The following TBC1D1 variants were observed in gnomAD, a reference collection of about 807,000 sequenced individuals.
TBC1D1 encodes TBC1 domain family member 1.
TBC1D1 carries 89 observed loss-of-function variants against 125.6 expected under a neutral mutation model. That is an observed-to-expected ratio of 0.71 (90% CI 0.60 to 0.85). The LOEUF (loss-of-function observed/expected upper bound fraction) is 0.85, where lower values mean the gene tolerates loss of function less well. Ranked by LOEUF, TBC1D1 falls within the 40% of genes least tolerant of loss-of-function variation. TBC1D1 has a pLI of 0.00. For missense variants in TBC1D1, 1,377 were observed against 1,469.2 expected, an observed-to-expected ratio of 0.94 and a Z score of 1.03; for synonymous variants, 565 against 564.1, an observed-to-expected ratio of 1.00 and a Z score of -0.02.
chr4:38,045,972 A>G (rs1208357970), intron 10 of TBC1D1, 69 bp downstream of exon 10: 4 of 1,331,536 alleles, frequency 3.0e-6, no homozygotes, highest in East Asian at 2.3e-5. Flanking sequence ...TCTCCTGTCT[A>G]CATACCTCCA....
rs189406430 is a variant in TBC1D1, at chr4:38,024,573, A to G, written c.1210+2855A>G. Among the ~76,000 whole-genome samples the G allele has an allele frequency of 5.3e-5, 8 of 152,362 alleles. No individual in the cohort carries two copies. The East Asian group carries it at 1.3e-3, about 26-fold the overall frequency. Reference sequence around the variant, plus strand: ...ACTCTACTAACATGAGAACATTCTTAAATAGTGCAATTAGAAGTCTGGTGG... The same window carrying G: ...ACTCTACTAACATGAGAACATTCTTGAATAGTGCAATTAGAAGTCTGGTGG... On this transcript the variant is annotated intron_variant, in intron 6 of 19. Coordinates refer to ENST00000261439, the MANE Select transcript of TBC1D1 (RefSeq NM_015173.4).
rs549994477 is a variant in TBC1D1 at position 37,925,639 on chromosome 4, C to T, written c.417+23127C>T. Among the ~76,000 whole-genome samples the T allele has an allele frequency of 1.9e-4, 28 of 147,052 alleles. No homozygotes were observed. The East Asian group carries it at 5.0e-3, about 26-fold the overall frequency. On this transcript the variant is annotated intron_variant, in intron 2 of 19. Transcript: ENST00000261439. ...CGGAGGTTGCAGTGAGCTAAGATCG[C>T]GCCACTGCATTCCAGCCTGGTGATA...
intron 12 of TBC1D1, among the ~76,000 whole-genome samples, chr4:38,080,733 C>G (rs995744300): frequency 2.0e-5 from 3 of 152,088 alleles, no homozygotes; most frequent in African/African-American, 7.2e-5. Context: ...GCACAGCCGC[C>G]CTCTGCACTC....
intron 2 of TBC1D1, among the ~76,000 whole-genome samples, chr4:37,955,097 C>T (rs1262419737): frequency 6.6e-6 from 1 of 152,110 alleles, no homozygotes; most frequent in Non-Finnish European, 1.5e-5. Context: ...AGAACTATCT[C>T]ATCTTTCTTT....
chr4:37,907,949 G>A (rs77762143), intron 2 of TBC1D1, among the ~76,000 whole-genome samples: 4,134 of 152,116 alleles, frequency 0.027, 81 homozygotes, highest in South Asian at 0.058. Context: ...CTTTATCCAC[G>A]GAGGAAAAAG....
Position 38,021,728 on chromosome 4 carries a change from G to T in TBC1D1, c.1210+10G>T. The T allele has an allele frequency of 6.5e-7, 1 of 1,537,650 alleles. No homozygotes were observed. Among genetic ancestry groups the T allele is most frequent in the Non-Finnish European group, 8.7e-7 (1 of 1,143,698 alleles). On this transcript the variant is annotated intron_variant, in intron 6 of 19. Coordinates refer to ENST00000261439, the MANE Select transcript of TBC1D1 (RefSeq NM_015173.4). ...TGTGAGAGGATAGAGGGTGAGTAGG[G>T]GACCCTTTCCAGCATGAACACAGTG...
chr4:38,043,132 C>T lies in TBC1D1; in HGVS notation c.1414-1230C>T, dbSNP rs192486513. 1.6e-4 allele frequency among the ~76,000 whole-genome samples: 24 copies of T among 152,068 alleles called. 1 individual carries two copies. The highest frequency in any genetic ancestry group is 1.5e-3 in the Admixed American group (23 of 15,270). ...GGCCAGGCTGATCTCAAACTCCCGACCTCAGGTGGTCCACCCACCTTGGCC... is the reference window on the plus strand; with the variant it reads ...GGCCAGGCTGATCTCAAACTCCCGATCTCAGGTGGTCCACCCACCTTGGCC... On this transcript the variant is annotated intron_variant, in intron 8 of 19. Coordinates refer to ENST00000261439, the MANE Select transcript of TBC1D1 (RefSeq NM_015173.4).
chr4:37,975,682 T>C (rs1472341671), intron 2 of TBC1D1, among the ~76,000 whole-genome samples: 1 of 152,214 alleles, frequency 6.6e-6, no homozygotes, highest in Non-Finnish European at 1.5e-5. Flanking sequence ...AGGCTCGCAC[T>C]CTTGTCTTCT....
At chr4:38,087,590 C>CT (rs1010003374) in intron 12 of TBC1D1, among the ~76,000 whole-genome samples, 1 of 152,040 alleles carries the variant, frequency 6.6e-6, no homozygotes, top group Non-Finnish European at 1.5e-5. Context: ...ACCTGTAATT[C>CT]TAGCACTTTG....
At chr4:38,087,846 AAAAAAAAAAAAAAAAAG>A (rs1373756481) in intron 12 of TBC1D1, among the ~76,000 whole-genome samples, 31 of 98,474 alleles carry the variant, frequency 3.1e-4, no homozygotes, top group African/African-American at 1.4e-3. Context: ...ATTCCGTCTC[AAAAAAAAAAAAAAAAAG>A]AAAAAAAAAA....
chr4:37,977,375 C>T lies in TBC1D1; in HGVS notation c.418-37134C>T. On this transcript the variant is annotated intron_variant, in intron 2 of 19. Transcript: ENST00000261439. The surrounding 1 kb of genome is among the most constrained non-coding windows in gnomAD (Gnocchi z 4.3). ...TGGAGCCCGCCGCCGCCGCCGCCGC[C>T]GCCGGGGAGAGCGATGCCCCGGCCC... The T allele has an allele frequency of 5.1e-6, 2 of 394,718 alleles. No homozygotes were observed. The highest frequency in any genetic ancestry group is 2.2e-5 in the African/African-American group (1 of 45,536). 24.5% of individuals were successfully genotyped at this position (394,718 alleles called of 1,614,324 possible). A position where few individuals can be genotyped will look rare whatever the true frequency, so the allele number is the denominator to read the frequency against.
chr4:37,906,253 T>G (rs190472927), intron 2 of TBC1D1, among the ~76,000 whole-genome samples: 73 of 152,240 alleles, frequency 4.8e-4, no homozygotes, highest in Admixed American at 1.6e-3. Context: ...GCTCAAGCGA[T>G]TCTCCTGCCT....
intron 2 of TBC1D1, among the ~76,000 whole-genome samples, chr4:38,010,755 C>T (rs1450606186): frequency 6.6e-6 from 1 of 152,166 alleles, no homozygotes; most frequent in African/African-American, 2.4e-5. Context: ...TTTCTCTCAG[C>T]CTTCCTCTCA....
rs746427990 is a variant in TBC1D1, at chr4:38,118,052, C to T, written c.2822C>T (p.Ser941Leu). 2.5e-6 allele frequency: 4 copies of T among 1,614,168 alleles called. No homozygotes were observed. Among genetic ancestry groups the T allele is most frequent in the East Asian group, 2.2e-5 (1 of 44,886 alleles). The change falls in exon 17 of 20, where the codon TCG becomes TTG. Residue 941 changes from serine to leucine, a missense_variant. By Grantham distance (145) the Ser-to-Leu change is moderately radical. Transcript: ENST00000261439. ...CTGCAGATCCAGATGTACCAGCTCT[C>T]GAGGTTGCTTCATGATTACCACAGA...
chr4:38,132,470 A>G (rs896190626), intron 18 of TBC1D1, among the ~76,000 whole-genome samples: 1 of 152,178 alleles, frequency 6.6e-6, no homozygotes, highest in African/African-American at 2.4e-5. Context: ...TTTCGTCACC[A>G]TTACTATTGT....
At position 37,977,582 on chromosome 4, in the gene TBC1D1, G is replaced by A; in HGVS notation, c.418-36927G>A. The A allele has an allele frequency of 1.7e-6, 1 of 585,668 alleles. No individual in the cohort carries two copies. The allele number at this position is 585,668 out of a possible 1,614,324, so 36.3% of individuals were successfully genotyped here. On this transcript the variant is annotated intron_variant, in intron 2 of 19. Coordinates refer to ENST00000261439, the MANE Select transcript of TBC1D1 (RefSeq NM_015173.4). This position sits in a 1 kb window ranked among gnomAD's most constrained non-coding sequence, Gnocchi z 4.3. ...ACCGGAGCGGAGCGGCAGGCGCGGG[G>A]CTGGAACATTTGTAACCTTCGGGCC...
At chr4:37,895,289 C>T (rs2152207317) in intron 1 of TBC1D1, among the ~76,000 whole-genome samples, 1 of 152,320 alleles carries the variant, frequency 6.6e-6, no homozygotes, top group East Asian at 1.9e-4. Context: ...CTTAAAGGAA[C>T]ACTGCAGGTA....
intron 2 of TBC1D1, among the ~76,000 whole-genome samples, chr4:37,957,033 T>C (rs1729080263): frequency 6.6e-6 from 1 of 152,032 alleles, no homozygotes; most frequent in Non-Finnish European, 1.5e-5. Context: ...GAATTACTCC[T>C]ATCCGGTCTT....
intron 2 of TBC1D1, among the ~76,000 whole-genome samples, chr4:37,951,844 G>T (rs1727939547): frequency 6.6e-6 from 1 of 152,204 alleles, no homozygotes; most frequent in Non-Finnish European, 1.5e-5. Flanking sequence ...GCCCAGAGGA[G>T]TAAATCATTC....
Sources: gnomAD v4.1 joint callset for allele counts (sites outside exome capture counted in the v4.1 genomes callset) on GRCh38, gnomAD v4.1.1 for gene constraint, Gnocchi (gnomAD v3.1) non-coding constraint, MANE v1.5 for transcripts, NCBI Gene and HGNC (gene_info 2026-07-23, HGNC 2026-07-21) for gene names.